The following CNBD1 variants were observed in gnomAD, a reference collection of about 807,000 sequenced individuals.
CNBD1 encodes cyclic nucleotide-binding domain-containing protein 1.
CNBD1 carries 71 observed loss-of-function variants against 54.4 expected under a neutral mutation model. That is an observed-to-expected ratio of 1.30 (90% CI 1.08 to 1.59). The LOEUF is 1.59. CNBD1 is among the 40% of genes most tolerant of loss of function. The probability of loss-of-function intolerance (pLI) is 0.00; values close to 1 mark genes in which losing one functional copy is unlikely to be tolerated. For missense variants in CNBD1, 659 were observed against 518.0 expected (o/e 1.27, Z -2.64); for synonymous variants, 182 against 170.7 (o/e 1.07, Z -0.51).
chr8:87,085,385 CATGTAT>C (rs1287952532), intron 4 of CNBD1, among the ~76,000 whole-genome samples: 5 of 151,954 alleles, frequency 3.3e-5, no homozygotes, highest in Admixed American at 6.6e-5. Flanking sequence ...GATACATACA[CATGTAT>C]ATGTATATGT....
chr8:87,294,490 A>C (rs1209424078), intron 8 of CNBD1, among the ~76,000 whole-genome samples: 1 of 152,156 alleles, frequency 6.6e-6, no homozygotes, highest in Non-Finnish European at 1.5e-5. Flanking sequence ...ATTAGAACAC[A>C]CATTTCCTGG....
chr8:87,244,629 A>T (rs917787920), intron 6 of CNBD1, among the ~76,000 whole-genome samples: 1 of 152,078 alleles, frequency 6.6e-6, no homozygotes, highest in African/African-American at 2.4e-5. Flanking sequence ...TTACTCATAG[A>T]CATTTAAATG....
At chr8:87,301,815 A>T (rs906810376) in intron 8 of CNBD1, among the ~76,000 whole-genome samples, 1 of 152,024 alleles carries the variant, frequency 6.6e-6, no homozygotes, top group Admixed American at 6.6e-5. Context: ...TATCACCACC[A>T]ATCCCACAGA....
intron 9 of CNBD1, among the ~76,000 whole-genome samples, chr8:87,352,519 A>C (rs1810324578): frequency 1.3e-5 from 2 of 151,956 alleles, no homozygotes; most frequent in South Asian, 4.1e-4. Flanking sequence ...CTTACAAACT[A>C]AAAACTGGAA....
intron 8 of CNBD1, among the ~76,000 whole-genome samples, chr8:87,343,062 C>T (rs1311561255): frequency 6.6e-6 from 1 of 152,108 alleles, no homozygotes. Flanking sequence ...TGCATTCCTT[C>T]CCCAGGGTTA....
At chr8:87,284,232 T>A (rs760309032) in intron 6 of CNBD1, among the ~76,000 whole-genome samples, 1 of 152,266 alleles carries the variant, frequency 6.6e-6, no homozygotes, top group Middle Eastern at 3.4e-3. Context: ...ATTGTTTACA[T>A]ATTAAATTAA....
chr8:87,323,185 C>T lies in CNBD1; in HGVS notation c.1043-28500C>T, dbSNP rs1337662548. Among the ~76,000 whole-genome samples, 24 of 121,988 alleles carry T rather than the reference C, an allele frequency of 2.0e-4. No individual in the cohort carries two copies. The East Asian group carries it at 4.8e-3, about 25-fold the overall frequency. 80.0% of individuals were successfully genotyped at this position (121,988 alleles called of 152,430 possible). On this transcript the variant is annotated intron_variant, in intron 8 of 10. Transcript: ENST00000518476. Reference sequence around the variant, plus strand: ...CTATATCTCTGTTTTGGTACCAGTACCATGCTGTTTTGGTTACTGTAGCCT... The same window carrying T: ...CTATATCTCTGTTTTGGTACCAGTATCATGCTGTTTTGGTTACTGTAGCCT...
intron 4 of CNBD1, among the ~76,000 whole-genome samples, chr8:86,969,938 A>C (rs1563842128): frequency 6.6e-6 from 1 of 151,014 alleles, no homozygotes; most frequent in East Asian, 1.9e-4. Flanking sequence ...ATTTCTTTTC[A>C]TTTTTTTTCT....
At chr8:86,876,169 CTGTGTGTGTGTGTTTGTGTG>C (rs1808517287) in intron 1 of CNBD1, among the ~76,000 whole-genome samples, 1 of 105,628 alleles carries the variant, frequency 9.5e-6, no homozygotes, top group Non-Finnish European at 1.8e-5. Flanking sequence ...TGTTTGATAC[CTGTGTGTGTGTGTTTGTGTG>C]TGTGTGTGTG....
At chr8:87,181,055 G>A (rs575367684) in intron 4 of CNBD1, among the ~76,000 whole-genome samples, 193 of 152,100 alleles carry the variant, frequency 1.3e-3, no homozygotes, top group African/African-American at 4.4e-3. Context: ...CCCCAGAAAC[G>A]TGCTGCACAC....
At chr8:87,396,865 C>A (rs1403940331) in intron 2 of CNBD1, among the ~76,000 whole-genome samples, 2 of 142,612 alleles carry the variant, frequency 1.4e-5, no homozygotes, top group African/African-American at 2.6e-5. Context: ...TCTTGGTTTT[C>A]TTTCTAATGT....
intron 4 of CNBD1, among the ~76,000 whole-genome samples, chr8:87,042,609 C>A (rs1199721905): frequency 1.3e-5 from 2 of 151,942 alleles, no homozygotes; most frequent in Admixed American, 1.3e-4. Context: ...CCAGCAAGAC[C>A]CCTTTTGGAG....
intron 2 of CNBD1, among the ~76,000 whole-genome samples, chr8:87,402,962 G>A (rs1054328994): frequency 6.6e-6 from 1 of 151,980 alleles, no homozygotes; most frequent in Non-Finnish European, 1.5e-5. Flanking sequence ...TCATACAATT[G>A]TGTTATCTCT....
At chr8:86,989,323 A>ACATACATACATG (rs1355873331) in intron 4 of CNBD1, among the ~76,000 whole-genome samples, 12 of 152,064 alleles carry the variant, frequency 7.9e-5, no homozygotes, top group African/African-American at 2.7e-4. Context: ...ATACATACAT[A>ACATACATACATG]CATACATACA....
chr8:87,417,611 TACAC>T lies in CNBD1; in HGVS notation c.214-10931_214-10928del, dbSNP rs111659048. Among the ~76,000 whole-genome samples the T allele has an allele frequency of 8.3e-3, 1,259 of 152,058 alleles. 7 individuals carry two copies. Among genetic ancestry groups the T allele is most frequent in the African/African-American group, 0.029 (1,185 of 41,500 alleles). On this transcript the variant is annotated intron_variant, in intron 2 of 7. Transcript: ENST00000521593. Reference sequence around the variant, plus strand: ...ATAGAAAAATCCTACAAAATTTACATACACACAAAGCCAATTAATTATTTTGGCA... The same window carrying T: ...ATAGAAAAATCCTACAAAATTTACATACAAAGCCAATTAATTATTTTGGCA...
chr8:87,109,820 G>A (rs753598398), intron 4 of CNBD1, among the ~76,000 whole-genome samples: 11 of 152,076 alleles, frequency 7.2e-5, no homozygotes, highest in Non-Finnish European at 1.2e-4. Flanking sequence ...TTACAAGTGT[G>A]AGCCACCGTG....
chr8:87,253,579 C>G (rs900954521), intron 6 of CNBD1, among the ~76,000 whole-genome samples: 5 of 152,070 alleles, frequency 3.3e-5, no homozygotes, highest in African/African-American at 1.2e-4. Flanking sequence ...CTCATAGTAC[C>G]CAAGTGCCAT....
intron 10 of CNBD1, among the ~76,000 whole-genome samples, chr8:87,373,018 TA>T (rs1451241613): frequency 1.3e-5 from 2 of 151,852 alleles, no homozygotes; most frequent in East Asian, 1.9e-4. Flanking sequence ...ACTTATATGA[TA>T]TTTTTTATTA....
At position 87,038,386 on chromosome 8, in the gene CNBD1, C is replaced by G. The variant is rs116507037; in HGVS notation, c.431+98632C>G. On this transcript the variant is annotated intron_variant, in intron 4 of 10. Transcript: ENST00000518476. The stretch of plus-strand genomic sequence containing the variant: ...ACACAAATCAATTTTTCCAAAAATT[C>G]AGAGGCTAGGGTTTTTCAAGGATAC... Among the ~76,000 whole-genome samples the G allele has an allele frequency of 5.2e-3, 789 of 152,158 alleles. 7 individuals are homozygous for G. The highest frequency in any genetic ancestry group is 0.018 in the African/African-American group (744 of 41,536).
Sources: allele counts gnomAD v4.1 joint callset (sites outside exome capture counted in the v4.1 genomes callset), GRCh38; gene constraint gnomAD v4.1.1; transcripts MANE v1.5; gene names NCBI Gene and HGNC (gene_info 2026-07-23, HGNC 2026-07-21).